Variants in SKIDA1 observed in about 807,000 individuals in gnomAD.
SKIDA1 encodes the protein SKI/DACH domain-containing protein 1.
A neutral mutation model predicts 51.4 loss-of-function variants in SKIDA1; 18 were observed. That is an observed-to-expected ratio of 0.35 (90% confidence interval 0.24 to 0.52). The LOEUF is 0.52. Ranked by LOEUF, SKIDA1 falls within the 20% of genes least tolerant of loss-of-function variation. The pLI, the probability that SKIDA1 is intolerant of heterozygous loss-of-function variation, is 0.95. For missense variants in SKIDA1, 1,104 were observed against 1,180.6 expected (o/e 0.94, Z 0.95); for synonymous variants, 579 against 500.5 (o/e 1.16, Z -2.09).
chr10:21,517,112 GGCGGCGGCAGCA>G lies in SKIDA1; in HGVS notation c.699_710del (p.Ala241_Ala244del), dbSNP rs1317570874. On this transcript the variant is annotated inframe_deletion, in exon 4 of 4. Coordinates refer to ENST00000449193, the MANE Select transcript of SKIDA1 (RefSeq NM_207371.4). The surrounding 1 kb of genome is among the most constrained non-coding windows in gnomAD (Gnocchi z 6.9). ...AATAGGCGGCGGCGGCGGCGGCGGC[GGCGGCGGCAGCA>G]GCGGCGGCGGCGGCGGCGGCGGCGG... 7 of 1,016,210 alleles carry G rather than the reference GGCGGCGGCAGCA, an allele frequency of 6.9e-6. No individual in the cohort carries two copies. Among genetic ancestry groups the G allele is most frequent in the African/African-American group, 5.4e-5 (3 of 55,620 alleles). 62.9% of individuals were successfully genotyped at this position (1,016,210 alleles called of 1,614,324 possible). A position where few individuals can be genotyped will look rare whatever the true frequency, so the allele number is the denominator to read the frequency against.
At position 21,515,390 on chromosome 10, in the gene SKIDA1, A is replaced by G; in HGVS notation, c.2433T>C (p.Gly811=). ...LKSARSPRPT[G]KTETNEGTLD... ...GTGTTCCTTCATTTGTCTCAGTTTT[A>G]CCTGTAGGACGAGGGCTTCTAGCTG... Residue 811 remains glycine (G), a synonymous_variant, in exon 4 of 4, where the codon GGT becomes GGC. Coordinates refer to ENST00000449193, the MANE Select transcript of SKIDA1 (RefSeq NM_207371.4). The G allele has an allele frequency of 6.2e-7, 1 of 1,613,970 alleles. No homozygotes were observed.
chr10:21,525,259 G>A (rs937569465), intron 1 of SKIDA1, among the ~76,000 whole-genome samples: 2 of 152,218 alleles, frequency 1.3e-5, no homozygotes, highest in African/African-American at 2.4e-5. Context: ...GGGGATTCAA[G>A]TATCACGTTA....
In SKIDA1 at chr10:21,516,313, T is replaced by A; in HGVS notation, c.1510A>T (p.Arg504Ter). 6.2e-7 allele frequency: 1 copy of A among 1,613,770 alleles called. No homozygotes were observed. Among genetic ancestry groups the A allele is most frequent in the Non-Finnish European group, 8.5e-7 (1 of 1,179,892 alleles). ...TKPAAFEDAGRLPDLKSSVKA... is the reference protein window; with the variant it reads ...TKPAAFEDAG ...ACACTACTCTTGAGGTCGGGAAGTC[T>A]GCCGGCATCCTCGAAAGCAGCGGGT... Residue 504 changes from arginine to a stop codon, truncating the protein, a stop_gained, in exon 4 of 4, where the codon AGA (arginine) becomes TGA (stop). Coordinates refer to ENST00000449193, the MANE Select transcript of SKIDA1 (RefSeq NM_207371.4). LOFTEE classifies it high-confidence loss of function. The surrounding 1 kb of genome is among the most constrained non-coding windows in gnomAD (Gnocchi z 5.7).
chr10:21,516,247 C>G lies in SKIDA1; in HGVS notation c.1576G>C (p.Ala526Pro), dbSNP rs199786304. 2 of 1,614,026 alleles carry G rather than the reference C, an allele frequency of 1.2e-6. No individual in the cohort carries two copies. The highest frequency in any genetic ancestry group is 2.7e-5 in the African/African-American group (2 of 75,054). ...CAGTACACCGGAGATGCTTTGGGGG[C>G]CCAGCTCTGCAGATTCCACTCCGCC... ...SPAEWNLQSW[A>P]PKASPVYCPA... The change falls in exon 4 of 4, where the codon GCC becomes CCC. Residue 526 changes from alanine to proline, a missense_variant. Physicochemically the swap from Ala to Pro is conservative, Grantham distance 27 (BLOSUM62 -1). Around this residue, in one of 3 missense-constraint regions of SKIDA1, gnomAD observed 938 missense variants for 886.4 expected, o/e 1.06. Coordinates refer to ENST00000449193, the MANE Select transcript of SKIDA1 (RefSeq NM_207371.4). This position sits in a 1 kb window ranked among gnomAD's most constrained non-coding sequence, Gnocchi z 5.7.
At position 21,516,011 on chromosome 10, in the gene SKIDA1, T is replaced by C. The variant is rs184025657; in HGVS notation, c.1812A>G (p.Thr604=). ...TATCTGCACAGTGTGTAGTAGGAGTTGTTTGTAGGCATTTCCTAGCCTCTC... is the reference window on the plus strand; with the variant it reads ...TATCTGCACAGTGTGTAGTAGGAGTCGTTTGTAGGCATTTCCTAGCCTCTC... ...ILREARKCLQ[T]TPTTHCADNN... The change falls in exon 4 of 4, where the codon ACA becomes ACG. Residue 604 remains threonine, a synonymous_variant. Transcript: ENST00000449193. The surrounding 1 kb of genome is among the most constrained non-coding windows in gnomAD (Gnocchi z 5.7). 5 of 1,614,028 alleles carry C rather than the reference T, an allele frequency of 3.1e-6. No individual in the cohort carries two copies. In the African/African-American group the frequency reaches 6.7e-5, roughly 22 times the overall value.
rs376138226 is a variant in SKIDA1 at position 21,515,531 on chromosome 10, T to C, written c.2292A>G (p.Pro764=). The C allele has an allele frequency of 3.4e-5, 55 of 1,613,918 alleles. No homozygotes were observed. The highest frequency in any genetic ancestry group is 4.7e-5 in the Non-Finnish European group (55 of 1,179,902). The change falls in exon 4 of 4, where the codon CCA becomes CCG. Residue 764 remains proline (P), a synonymous_variant. Coordinates refer to ENST00000449193, the MANE Select transcript of SKIDA1 (RefSeq NM_207371.4). ...SQGLSCTLGS[P]KPEDGEYKFG... ...ATTTATATTCCCCATCCTCAGGTTT[T>C]GGAGAACCTAAAGTGCATGAAAGGC...
In SKIDA1 at chr10:21,516,252, C is replaced by G. The variant is rs745704146; in HGVS notation, c.1571G>C (p.Ser524Thr). The G allele has an allele frequency of 5.4e-5, 87 of 1,613,918 alleles. No individual in the cohort carries two copies. Among genetic ancestry groups the G allele is most frequent in the Non-Finnish European group, 6.9e-5 (82 of 1,179,912 alleles). Residue 524 changes from serine (S) to threonine (T), a missense_variant, in exon 4 of 4, where the codon AGC becomes ACC. By Grantham distance (58) the Ser-to-Thr change is moderately conservative. Transcript: ENST00000449193. This position sits in a 1 kb window ranked among gnomAD's most constrained non-coding sequence, Gnocchi z 5.7. ...AESPAEWNLQ[S>T]WAPKASPVYC... ...CACCGGAGATGCTTTGGGGGCCCAG[C>G]TCTGCAGATTCCACTCCGCCGGCGA... is the stretch of plus-strand genomic sequence containing the variant.
intron 1 of SKIDA1, among the ~76,000 whole-genome samples, chr10:21,525,199 G>A (rs1405449962): frequency 6.6e-6 from 1 of 152,162 alleles, no homozygotes; most frequent in African/African-American, 2.4e-5. Context: ...TACTATTTAG[G>A]TCGAAAAATG....
At chr10:21,521,911 T>C (rs1317906907) in intron 2 of SKIDA1, among the ~76,000 whole-genome samples, 1 of 152,274 alleles carries the variant, frequency 6.6e-6, no homozygotes, top group South Asian at 2.1e-4. Context: ...TTGTCTTTAC[T>C]TATCCCATAT....
chr10:21,515,209 T>G lies in SKIDA1; in HGVS notation c.2614A>C (p.Thr872Pro). The G allele has an allele frequency of 6.2e-7, 1 of 1,613,938 alleles. No individual in the cohort carries two copies. Among genetic ancestry groups the G allele is most frequent in the Non-Finnish European group, 8.5e-7 (1 of 1,179,866 alleles). The change falls in exon 4 of 4, where the codon ACC becomes CCC. Residue 872 changes from threonine (T) to proline (P), a missense_variant. Around this residue, in one of 3 missense-constraint regions of SKIDA1, gnomAD observed 112 missense variants for 168.3 expected, o/e 0.67. Transcript: ENST00000449193. ...TGAGGAGTTTGAGAATCCTTAGTGG[T>G]GTTTAAGGAATACGCCGGCCACAAA... ...GDLWPAYSLN[T>P]TKDSQTPHKA...
Position 21,515,831 on chromosome 10 carries a change from T to G in SKIDA1, c.1992A>C (p.Ala664=). Residue 664 remains alanine, a synonymous_variant, in exon 4 of 4, where the codon GCA becomes GCC. Transcript: ENST00000449193. ...CAGTGCAGGGATTCTCGGCTTTAGT[T>G]GCTGCTGCTCCTGCAGCGTTCACTT... ...DPEVNAAGAA[A]TKAENPCTDT... is the part of the protein sequence containing the mutation. 6.2e-7 allele frequency: 1 copy of G among 1,614,016 alleles called. No individual in the cohort carries two copies. The highest frequency in any genetic ancestry group is 8.5e-7 in the Non-Finnish European group (1 of 1,179,856).
In SKIDA1 at chr10:21,516,859, A is replaced by C. The variant is rs1220524569; in HGVS notation, c.964T>G (p.Cys322Gly). 1.5e-6 allele frequency: 2 copies of C among 1,354,838 alleles called. No homozygotes were observed. Among genetic ancestry groups the C allele is most frequent in the Admixed American group, 3.4e-5 (1 of 29,676 alleles). The allele number at this position is 1,354,838 out of a possible 1,614,324, so 83.9% of individuals were successfully genotyped here. A position where few individuals can be genotyped will look rare whatever the true frequency, so the allele number is the denominator to read the frequency against. Residue 322 changes from cysteine (C) to glycine (G), a missense_variant, in exon 4 of 4, where the codon TGC becomes GGC. By Grantham distance (159) the Cys-to-Gly change is radical. Coordinates refer to ENST00000449193, the MANE Select transcript of SKIDA1 (RefSeq NM_207371.4). This position sits in a 1 kb window ranked among gnomAD's most constrained non-coding sequence, Gnocchi z 5.7. ...AAAAAAAGAT[C>G]LERFHLVNGF... ...TTGACCAGATGAAACCTCTCCAGGC[A>C]AGTGGCCCCCGCGGCGGCCGCCGCC...
chr10:21,525,123 G>A (rs956700591), intron 1 of SKIDA1, among the ~76,000 whole-genome samples: 1 of 152,210 alleles, frequency 6.6e-6, no homozygotes, highest in African/African-American at 2.4e-5. Flanking sequence ...CATTTAAATA[G>A]ACTTTCTTGC....
chr10:21,516,878 C>CAGCGGCGGCGGCGGCG lies in SKIDA1; in HGVS notation c.944_945insCGCCGCCGCCGCCGCT (p.Gly319AlafsTer125). 10 of 1,151,864 alleles carry CAGCGGCGGCGGCGGCG rather than the reference C, an allele frequency of 8.7e-6. No homozygotes were observed. Among genetic ancestry groups the CAGCGGCGGCGGCGGCG allele is most frequent in the East Asian group, 4.1e-5 (1 of 24,338 alleles). The allele number at this position is 1,151,864 out of a possible 1,614,324, so 71.4% of individuals were successfully genotyped here. A position where few individuals can be genotyped will look rare whatever the true frequency, so the allele number is the denominator to read the frequency against. ...CCAGGCAAGTGGCCCCCGCGGCGGC[C>CAGCGGCGGCGGCGGCG]GCCGCCGCCGCTGCCGCCGCCGCCG... On this transcript the variant is annotated frameshift_variant, in exon 4 of 4. Coordinates refer to ENST00000449193, the MANE Select transcript of SKIDA1 (RefSeq NM_207371.4). LOFTEE classifies it high-confidence loss of function. The surrounding 1 kb of genome is among the most constrained non-coding windows in gnomAD (Gnocchi z 5.7).
chr10:21,517,368 C>A lies in SKIDA1; in HGVS notation c.455G>T (p.Ser152Ile). 3 of 1,406,982 alleles carry A rather than the reference C, an allele frequency of 2.1e-6. No individual in the cohort carries two copies. Among genetic ancestry groups the A allele is most frequent in the South Asian group, 1.6e-5 (1 of 62,586 alleles). 87.2% of individuals were successfully genotyped at this position (1,406,982 alleles called of 1,614,324 possible). ...GGCGCCCGGGCGCTGGGACTGCGCG[C>A]TGATTGGCAGGGGCCGCGCGGCTCC... Reference protein sequence around the residue: ...LSGAARPLPISAQSQRPGAAA... With the variant: ...LSGAARPLPIIAQSQRPGAAA... Residue 152 changes from serine (S) to isoleucine (I), a missense_variant, in exon 4 of 4, where the codon AGC becomes ATC. By Grantham distance (142) the Ser-to-Ile change is moderately radical. Coordinates refer to ENST00000449193, the MANE Select transcript of SKIDA1 (RefSeq NM_207371.4). This position sits in a 1 kb window ranked among gnomAD's most constrained non-coding sequence, Gnocchi z 6.9.
chr10:21,515,150 G>A lies in SKIDA1; in HGVS notation c.2673C>T (p.Gly891=). Residue 891 remains glycine (G), a synonymous_variant, in exon 4 of 4, where the codon GGC becomes GGT. Transcript: ENST00000449193. The part of the protein sequence containing the change: ...KAHPIWKWQL[G]GSAIPLPPSH... ...TAGGTGGAAGAGGTATTGCAGAACC[G>A]CCCAGCTGCCATTTCCATATAGGAT... is the stretch of plus-strand genomic sequence containing the variant. The A allele has an allele frequency of 1.2e-6, 2 of 1,613,662 alleles. No homozygotes were observed. Among genetic ancestry groups the A allele is most frequent in the East Asian group, 2.2e-5 (1 of 44,880 alleles).
rs1407758343 is a variant in SKIDA1 at position 21,517,116 on chromosome 10, G to GCGGCGGCGT, written c.706_707insACGCCGCCG (p.Ala235_Ala236insAspAlaAla). 1.9e-6 allele frequency: 2 copies of GCGGCGGCGT among 1,034,540 alleles called. No individual in the cohort carries two copies. The highest frequency in any genetic ancestry group is 1.7e-4 in the East Asian group (2 of 11,992). The allele number at this position is 1,034,540 out of a possible 1,614,324, so 64.1% of individuals were successfully genotyped here. ...GGCGGCGGCGGCGGCGGCGGCGGCG[G>GCGGCGGCGT]CGGCAGCAGCGGCGGCGGCGGCGGC... On this transcript the variant is annotated inframe_insertion, in exon 4 of 4. Transcript: ENST00000449193. This position sits in a 1 kb window ranked among gnomAD's most constrained non-coding sequence, Gnocchi z 6.9.
In SKIDA1 at chr10:21,517,690, C is replaced by T; in HGVS notation, c.133G>A (p.Val45Met). ...DLLKNIPRTTVHKRMDHLKVK... is the reference protein window; with the variant it reads ...DLLKNIPRTTMHKRMDHLKVK... ...TTCAGATGATCCATGCGCTTGTGCA[C>T]GGTCGTCCTCGGGATGTTTTTCAGC... The change falls in exon 4 of 4, where the codon GTG (valine) becomes ATG (methionine). Residue 45 changes from valine to methionine, a missense_variant. Physicochemically the swap from Val to Met is conservative, Grantham distance 21. Transcript: ENST00000449193. This position sits in a 1 kb window ranked among gnomAD's most constrained non-coding sequence, Gnocchi z 6.9. 1.2e-6 allele frequency: 2 copies of T among 1,613,976 alleles called. No individual in the cohort carries two copies. Among genetic ancestry groups the T allele is most frequent in the South Asian group, 1.1e-5 (1 of 91,084 alleles).
rs1204306909 is a variant in SKIDA1 at position 21,513,707 on chromosome 10, C to T, written c.*1389G>A. The stretch of plus-strand genomic sequence containing the variant: ...AGTAGAAACTCTCCTGCTCTATACA[C>T]AGGATGGTCTGAAAACACAAGTTTT... On this transcript the variant is annotated 3_prime_UTR_variant, in exon 4 of 4. Transcript: ENST00000449193. The T allele has an allele frequency of 1.3e-5, 2 of 152,536 alleles. No individual in the cohort carries two copies. The highest frequency in any genetic ancestry group is 2.4e-5 in the African/African-American group (1 of 41,398). 9.4% of individuals were successfully genotyped at this position (152,536 alleles called of 1,614,324 possible). A position where few individuals can be genotyped will look rare whatever the true frequency, so the allele number is the denominator to read the frequency against.
Sources: allele counts gnomAD v4.1 joint callset (sites outside exome capture counted in the v4.1 genomes callset), GRCh38; gene constraint gnomAD v4.1.1; regional missense constraint gnomAD v4.1.1; non-coding constraint Gnocchi (gnomAD v3.1); transcripts MANE v1.5; gene names NCBI Gene and HGNC (gene_info 2026-07-23, HGNC 2026-07-21).